The following GPR137B variants were observed in gnomAD, a reference collection of about 807,000 sequenced individuals.
GPR137B encodes G protein-coupled receptor 137B, also known as integral membrane protein GPR137B.
A neutral mutation model predicts 42.5 loss-of-function variants in GPR137B; 42 were observed. That is an observed-to-expected ratio of 0.99 (90% confidence interval 0.77 to 1.28). GPR137B has a LOEUF of 1.28. Among genes scored for constraint, GPR137B ranks in the 50% most tolerant of loss-of-function variants. The probability of loss-of-function intolerance (pLI) is 0.00; values close to 1 mark genes in which losing one functional copy is unlikely to be tolerated. For synonymous variants in GPR137B, 218 were observed against 209.7 expected (o/e 1.04, Z -0.34); for missense variants, 487 against 493.9 (o/e 0.99, Z 0.13).
intron 5 of GPR137B, among the ~76,000 whole-genome samples, chr1:236,195,687 C>T (rs901375210): frequency 1.3e-5 from 2 of 152,172 alleles, no homozygotes; most frequent in African/African-American, 4.8e-5. Flanking sequence ...CCAAACTGTT[C>T]TCCATAGTGG....
intron 3 of GPR137B, among the ~76,000 whole-genome samples, chr1:236,178,989 G>A (rs1453819369): frequency 4.0e-5 from 6 of 151,434 alleles, no homozygotes; most frequent in Admixed American, 1.3e-4. Context: ...AGTAGAGACG[G>A]GGTTTCACTG....
chr1:236,208,272 G>T lies in GPR137B; in HGVS notation c.*114G>T, dbSNP rs1663725071. 6.8e-7 allele frequency: 1 copy of T among 1,479,882 alleles called. No homozygotes were observed. Among genetic ancestry groups the T allele is most frequent in the Admixed American group, 2.5e-5 (1 of 39,990 alleles). 91.7% of individuals were successfully genotyped at this position (1,479,882 alleles called of 1,614,324 possible). A position where few individuals can be genotyped will look rare whatever the true frequency, so the allele number is the denominator to read the frequency against. ...AAGAAATAGAACTTGATTTTTATTT[G>T]TTACAGGTTTCCAATGGCCCCATAG... is the stretch of plus-strand genomic sequence containing the variant. On this transcript the variant is annotated 3_prime_UTR_variant, in exon 7 of 7. Coordinates refer to ENST00000366592, the MANE Select transcript of GPR137B (RefSeq NM_003272.4).
At chr1:236,201,561 C>A (rs1408864529) in intron 5 of GPR137B, among the ~76,000 whole-genome samples, 1 of 151,962 alleles carries the variant, frequency 6.6e-6, no homozygotes, top group African/African-American at 2.4e-5. Context: ...ATTGTTGAAA[C>A]TTTACAGTGA....
chr1:236,166,080 T>A (rs1435437633), intron 1 of GPR137B, among the ~76,000 whole-genome samples: 5 of 152,250 alleles, frequency 3.3e-5, no homozygotes, highest in African/African-American at 4.8e-5. Flanking sequence ...CAGATTTTTA[T>A]ATTGAACGGG....
At chr1:236,188,792 G>GT (rs1307570797) in intron 5 of GPR137B, among the ~76,000 whole-genome samples, 1 of 152,148 alleles carries the variant, frequency 6.6e-6, no homozygotes, top group Non-Finnish European at 1.5e-5. Context: ...TTTTGTTGTT[G>GT]TGTCTCTGCC....
intron 5 of GPR137B, among the ~76,000 whole-genome samples, chr1:236,196,204 A>G (rs1663325770): frequency 6.6e-6 from 1 of 152,026 alleles, no homozygotes; most frequent in South Asian, 2.1e-4. Context: ...CAGTAGCATG[A>G]TCTTGGCTTA....
intron 4 of GPR137B, 112 bp downstream of exon 4, chr1:236,180,140 A>G: frequency 1.2e-6 from 1 of 800,924 alleles, no homozygotes; most frequent in Non-Finnish European, 2.2e-6. Context: ...AGTCCCTGAT[A>G]TAAAATGGTG....
In GPR137B at chr1:236,172,779, G is replaced by C. The variant is rs1662579459; in HGVS notation, c.464+4024G>C. On this transcript the variant is annotated intron_variant, in intron 2 of 6. Transcript: ENST00000366592. ...AGCTCACTATAGCTTTAATCTCCTG[G>C]GCTCAAGCGATCCTCCTGCCTCTGC... 5.3e-5 allele frequency among the ~76,000 whole-genome samples: 8 copies of C among 151,364 alleles called. No homozygotes were observed. In the South Asian group the frequency reaches 1.7e-3, roughly 32 times the overall value.
intron 5 of GPR137B, among the ~76,000 whole-genome samples, chr1:236,200,296 A>C (rs1457120828): frequency 6.6e-6 from 1 of 151,980 alleles, no homozygotes; most frequent in African/African-American, 2.4e-5. Flanking sequence ...AGAATGTTCT[A>C]TGTGCCAATG....
chr1:236,148,794 G>A (rs1320146741), intron 1 of GPR137B, among the ~76,000 whole-genome samples: 1 of 152,062 alleles, frequency 6.6e-6, no homozygotes, highest in Non-Finnish European at 1.5e-5. Flanking sequence ...GCTCATCATG[G>A]GCACTAGGCC....
chr1:236,175,640 C>T (rs563510410), intron 2 of GPR137B, among the ~76,000 whole-genome samples: 1 of 152,148 alleles, frequency 6.6e-6, no homozygotes, highest in Non-Finnish European at 1.5e-5. Flanking sequence ...CTCCACAGCT[C>T]CTTTGGCCCA....
intron 5 of GPR137B, among the ~76,000 whole-genome samples, chr1:236,193,007 G>T (rs2102920733): frequency 6.6e-6 from 1 of 152,072 alleles, no homozygotes; most frequent in Non-Finnish European, 1.5e-5. Flanking sequence ...CGATTCCCCT[G>T]CCTCAGACTC....
intron 1 of GPR137B, among the ~76,000 whole-genome samples, chr1:236,154,808 A>G (rs1454912136): frequency 6.6e-6 from 1 of 152,170 alleles, no homozygotes; most frequent in Non-Finnish European, 1.5e-5. Context: ...GCACGATGGT[A>G]CGACACTGCA....
intron 1 of GPR137B, among the ~76,000 whole-genome samples, chr1:236,146,848 C>G (rs1380065439): frequency 6.6e-6 from 1 of 152,192 alleles, no homozygotes; most frequent in Admixed American, 6.5e-5. Flanking sequence ...GAGTCTGGCT[C>G]TGTCACCCAG....
chr1:236,153,926 G>A (rs547639323), intron 1 of GPR137B, among the ~76,000 whole-genome samples: 3 of 152,296 alleles, frequency 2.0e-5, no homozygotes, highest in East Asian at 3.9e-4. Flanking sequence ...ACTGTGAAGC[G>A]ATGCCAGGAT....
intron 1 of GPR137B, among the ~76,000 whole-genome samples, chr1:236,154,347 G>A (rs1357065624): frequency 2.0e-5 from 3 of 152,130 alleles, no homozygotes; most frequent in African/African-American, 2.4e-5. Context: ...GAGGACACAC[G>A]GCCTGTCACG....
At chr1:236,180,099 AC>A (rs771272367) in intron 4 of GPR137B, 71 bp downstream of exon 4, 6 of 1,371,136 alleles carry the variant, frequency 4.4e-6, no homozygotes, top group Middle Eastern at 1.8e-4. Context: ...TGGTTCCAGG[AC>A]CCCAGAAAAT....
In GPR137B at chr1:236,171,881, A is replaced by C. The variant is rs909463132; in HGVS notation, c.464+3126A>C. ...CCAACATGGTGAAATCCCACTAAAA[A>C]TACAAAAATTAGCCAGGCATGATGG... is the stretch of plus-strand genomic sequence containing the variant. On this transcript the variant is annotated intron_variant, in intron 2 of 6. Coordinates refer to ENST00000366592, the MANE Select transcript of GPR137B (RefSeq NM_003272.4). This position sits in a 1 kb window ranked among gnomAD's most constrained non-coding sequence, Gnocchi z 4.4. Among the ~76,000 whole-genome samples the C allele has an allele frequency of 5.3e-5, 8 of 152,114 alleles. No homozygotes were observed. Among genetic ancestry groups the C allele is most frequent in the Admixed American group, 2.0e-4 (3 of 15,272 alleles).
chr1:236,189,260 C>CA (rs1418681328), intron 5 of GPR137B, among the ~76,000 whole-genome samples: 1 of 151,934 alleles, frequency 6.6e-6, no homozygotes, highest in African/African-American at 2.4e-5. Flanking sequence ...TTGATCTTTT[C>CA]AAAAAAACCA....
Sources: allele counts gnomAD v4.1 joint callset (sites outside exome capture counted in the v4.1 genomes callset), GRCh38; gene constraint gnomAD v4.1.1; non-coding constraint Gnocchi (gnomAD v3.1); transcripts MANE v1.5; gene names NCBI Gene and HGNC (gene_info 2026-07-23, HGNC 2026-07-21).